The following CAPN11 variants were observed in gnomAD, a reference collection of about 807,000 sequenced individuals.
CAPN11 encodes the protein calpain 11, also known as calpain-11.
Under a neutral mutation model 105.3 loss-of-function variants are expected in CAPN11, and 108 were observed. The observed-to-expected ratio is 1.03, with a 90% CI of 0.88 to 1.20. The LOEUF is 1.20. CAPN11 is among the 50% of genes most tolerant of loss of function. CAPN11 has a pLI of 0.00. For missense variants in CAPN11, 883 were observed against 924.8 expected (o/e 0.95, Z 0.59); for synonymous variants, 329 against 344.5 (o/e 0.96, Z 0.50).
At chr6:44,182,378 C>T (rs1426083481) in intron 19 of CAPN11, among the ~76,000 whole-genome samples, 6 of 152,232 alleles carry the variant, frequency 3.9e-5, no homozygotes, top group Middle Eastern at 3.4e-3. Context: ...TGGCATATTA[C>T]CCAGTCAAAA....
rs1774202990 is a variant in CAPN11 at position 44,184,037 on chromosome 6, TG to T, written c.*106del. On this transcript the variant is annotated 3_prime_UTR_variant, in exon 23 of 23. Coordinates refer to ENST00000398776, the MANE Select transcript of CAPN11 (RefSeq NM_007058.4). Reference sequence around the variant, plus strand: ...TAGCCCTCAGCTCTCCGGTCTCTGCTGATGAAATGGGCTCCAGGTGGCAGTG... The same window carrying T: ...TAGCCCTCAGCTCTCCGGTCTCTGCTATGAAATGGGCTCCAGGTGGCAGTG... 1.5e-6 allele frequency: 2 copies of T among 1,294,866 alleles called. No homozygotes were observed. The highest frequency in any genetic ancestry group is 2.2e-6 in the Non-Finnish European group (2 of 925,132). The allele number at this position is 1,294,866 out of a possible 1,614,324, so 80.2% of individuals were successfully genotyped here. A position where few individuals can be genotyped will look rare whatever the true frequency, so the allele number is the denominator to read the frequency against.
Position 44,166,837 on chromosome 6 carries a change from T to C in CAPN11, c.88+8T>C, listed in dbSNP as rs1179486028. On this transcript the variant is annotated splice_region_variant and intron_variant, in intron 2 of 22. Coordinates refer to ENST00000398776, the MANE Select transcript of CAPN11 (RefSeq NM_007058.4). ...CTCGGGGCTCATGTGCGGGTAGGAC[T>C]GCAGACCCGTCGTGGCTCTGTGGCC... 7 of 1,544,538 alleles carry C rather than the reference T, an allele frequency of 4.5e-6. No individual in the cohort carries two copies. Among genetic ancestry groups the C allele is most frequent in the Non-Finnish European group, 6.1e-6 (7 of 1,140,726 alleles).
At chr6:44,170,386 G>A (rs1770762911) in intron 4 of CAPN11, among the ~76,000 whole-genome samples, 1 of 152,188 alleles carries the variant, frequency 6.6e-6, no homozygotes, top group African/African-American at 2.4e-5. Context: ...ATCATCTGAA[G>A]GCTCGCCTGG....
intron 19 of CAPN11, among the ~76,000 whole-genome samples, 178 bp from the exon 20 acceptor site, chr6:44,182,763 G>A (rs1171003104): frequency 3.3e-5 from 5 of 152,020 alleles, no homozygotes; most frequent in South Asian, 2.1e-4. Flanking sequence ...TATTAGAGAC[G>A]GGGTTTCGTC....
At position 44,176,241 on chromosome 6, in the gene CAPN11, C is replaced by T. The variant is rs748856706; in HGVS notation, c.916-12C>T. 2.0e-6 allele frequency: 3 copies of T among 1,500,156 alleles called. No individual in the cohort carries two copies. The highest frequency in any genetic ancestry group is 2.7e-6 in the Non-Finnish European group (3 of 1,096,354). The allele number at this position is 1,500,156 out of a possible 1,614,324, so 92.9% of individuals were successfully genotyped here. A position where few individuals can be genotyped will look rare whatever the true frequency, so the allele number is the denominator to read the frequency against. ...CCATAACTCTGACCTTTAACCACCC[C>T]CGCCCACCCAGGTCCACTACAGAGG... On this transcript the variant is annotated splice_polypyrimidine_tract_variant and intron_variant, in intron 8 of 22. Coordinates refer to ENST00000398776, the MANE Select transcript of CAPN11 (RefSeq NM_007058.4).
At chr6:44,176,232 T>C in intron 8 of CAPN11, 21 bp from the exon 9 acceptor site, 1 of 1,438,324 alleles carries the variant, frequency 7.0e-7, no homozygotes, top group Non-Finnish European at 9.5e-7. Flanking sequence ...CTCTGACCTT[T>C]AACCACCCCC....
rs1365888893 is a variant in CAPN11, at chr6:44,177,015, AG to A, written c.1237+21del. ...ACCACCCTGGTGGGTGAGGGGTGAG[AG>A]GGGAGGGGGTGTGCAGGGAGTGAAG... On this transcript the variant is annotated intron_variant, in intron 11 of 22. Coordinates refer to ENST00000398776, the MANE Select transcript of CAPN11 (RefSeq NM_007058.4). 2.5e-6 allele frequency: 4 copies of A among 1,609,844 alleles called. No individual in the cohort carries two copies. The African/African-American group carries it at 5.3e-5, about 22-fold the overall frequency.
chr6:44,167,681 T>C lies in CAPN11; in HGVS notation c.88+852T>C, dbSNP rs140726229. On this transcript the variant is annotated intron_variant, in intron 2 of 22. Transcript: ENST00000398776. The stretch of plus-strand genomic sequence containing the variant: ...TCCCAGCACTTTGGGAGGCCAAGAC[T>C]GGAGGACTGCTTGAACCCAGAAGTC... 5.3e-3 allele frequency among the ~76,000 whole-genome samples: 803 copies of C among 152,036 alleles called. 8 individuals are homozygous for C. The highest frequency in any genetic ancestry group is 0.018 in the African/African-American group (764 of 41,454).
intron 19 of CAPN11, among the ~76,000 whole-genome samples, 170 bp downstream of exon 19, chr6:44,181,490 CCA>C (rs373056696): frequency 0.1 from 4,796 of 47,264 alleles, 120 homozygotes; most frequent in African/African-American, 0.13. Context: ...CACAACCACA[CCA>C]CACACACACA....
At chr6:44,182,232 CACAT>C (rs1250473954) in intron 19 of CAPN11, among the ~76,000 whole-genome samples, 1 of 140,424 alleles carries the variant, frequency 7.1e-6, no homozygotes, top group African/African-American at 2.8e-5. Context: ...CATACACACT[CACAT>C]ACAGACACAA....
chr6:44,176,241 C>G lies in CAPN11; in HGVS notation c.916-12C>G. The G allele has an allele frequency of 6.7e-7, 1 of 1,500,156 alleles. No individual in the cohort carries two copies. Among genetic ancestry groups the G allele is most frequent in the Non-Finnish European group, 9.1e-7 (1 of 1,096,354 alleles). The allele number at this position is 1,500,156 out of a possible 1,614,324, so 92.9% of individuals were successfully genotyped here. A position where few individuals can be genotyped will look rare whatever the true frequency, so the allele number is the denominator to read the frequency against. On this transcript the variant is annotated splice_polypyrimidine_tract_variant and intron_variant, in intron 8 of 22. Coordinates refer to ENST00000398776, the MANE Select transcript of CAPN11 (RefSeq NM_007058.4). The stretch of plus-strand genomic sequence containing the variant: ...CCATAACTCTGACCTTTAACCACCC[C>G]CGCCCACCCAGGTCCACTACAGAGG...
chr6:44,168,374 A>G (rs1425338669), intron 2 of CAPN11, among the ~76,000 whole-genome samples: 8 of 152,228 alleles, frequency 5.3e-5, no homozygotes, highest in East Asian at 1.9e-4. Context: ...TGTTCAAGCA[A>G]TTCTCCTGCC....
rs200293138 is a variant in CAPN11 at position 44,176,563 on chromosome 6, C to T, written c.1002-18C>T. On this transcript the variant is annotated intron_variant, in intron 9 of 22. Coordinates refer to ENST00000398776, the MANE Select transcript of CAPN11 (RefSeq NM_007058.4). ...ATGACCTCCGCCCCTCTCCTTCCACCGCCCATCTCTGCTCCAGTGCCAGGG... is the reference window on the plus strand; with the variant it reads ...ATGACCTCCGCCCCTCTCCTTCCACTGCCCATCTCTGCTCCAGTGCCAGGG... 407 of 1,610,520 alleles carry T rather than the reference C, an allele frequency of 2.5e-4. 1 individual carries two copies. The highest frequency in any genetic ancestry group is 2.5e-3 in the East Asian group (111 of 44,790).
Position 44,177,013 on chromosome 6 carries a change from A to T in CAPN11, c.1237+15A>T. 1 of 1,609,770 alleles carries T rather than the reference A, an allele frequency of 6.2e-7. No homozygotes were observed. Reference sequence around the variant, plus strand: ...GAACCACCCTGGTGGGTGAGGGGTGAGAGGGGAGGGGGTGTGCAGGGAGTG... The same window carrying T: ...GAACCACCCTGGTGGGTGAGGGGTGTGAGGGGAGGGGGTGTGCAGGGAGTG... On this transcript the variant is annotated intron_variant, in intron 11 of 22. Coordinates refer to ENST00000398776, the MANE Select transcript of CAPN11 (RefSeq NM_007058.4).
In CAPN11 at chr6:44,172,969, G is replaced by A. The variant is rs755438819; in HGVS notation, c.558G>A (p.Val186=). 1.9e-6 allele frequency: 3 copies of A among 1,613,180 alleles called. No homozygotes were observed. The highest frequency in any genetic ancestry group is 1.7e-5 in the Admixed American group (1 of 59,852). The part of the protein sequence containing the change: ...QIWQFGQWVN[V]VVDDRLPTKN... ...GGCAGTTTGGACAGTGGGTGAACGT[G>A]GTGGTAGATGACCGGCTGCCCACAA... The change falls in exon 6 of 23, where the codon GTG becomes GTA. Residue 186 remains valine, a synonymous_variant. Coordinates refer to ENST00000398776, the MANE Select transcript of CAPN11 (RefSeq NM_007058.4).
At chr6:44,183,264 C>A in intron 21 of CAPN11, 29 bp downstream of exon 21, 2 of 1,454,220 alleles carry the variant, frequency 1.4e-6, no homozygotes, top group Non-Finnish European at 1.9e-6. Flanking sequence ...CACTCCCCAG[C>A]CTAGGCCAGG....
chr6:44,182,355 G>A (rs1026525221), intron 19 of CAPN11, among the ~76,000 whole-genome samples: 1 of 149,236 alleles, frequency 6.7e-6, no homozygotes, highest in African/African-American at 2.5e-5. Flanking sequence ...CATGAAAAGG[G>A]TCTGTTGGAG....
chr6:44,164,603 G>A (rs1320249476), intron 1 of CAPN11, among the ~76,000 whole-genome samples: 1 of 152,154 alleles, frequency 6.6e-6, no homozygotes, highest in African/African-American at 2.4e-5. Flanking sequence ...ACACCACAGG[G>A]GAGGCTTCAC....
intron 7 of CAPN11, among the ~76,000 whole-genome samples, 184 bp downstream of exon 7, chr6:44,173,570 GT>G (rs58916283): frequency 1.2e-5 from 1 of 86,732 alleles, no homozygotes; most frequent in Non-Finnish European, 2.8e-5. Context: ...CTTTCTTTTT[GT>G]TTTTTTTTGT....
Sources: gnomAD v4.1 joint callset for allele counts (sites outside exome capture counted in the v4.1 genomes callset) on GRCh38, gnomAD v4.1.1 for gene constraint, MANE v1.5 for transcripts, NCBI Gene and HGNC (gene_info 2026-07-23, HGNC 2026-07-21) for gene names.